IGFBP7: variants seen among roughly 807,000 people sequenced by gnomAD.
IGFBP7 encodes insulin like growth factor binding protein 7, also known as insulin-like growth factor-binding protein 7.
Under a neutral mutation model 29.4 loss-of-function variants are expected in IGFBP7, and 31 were observed. The observed-to-expected ratio is 1.05, with a 90% CI of 0.79 to 1.42. The LOEUF is 1.42. IGFBP7 is among the 40% of genes most tolerant of loss of function. The pLI, the probability that IGFBP7 is intolerant of heterozygous loss-of-function variation, is 0.00. For missense variants in IGFBP7, 393 were observed against 395.5 expected (o/e 0.99, Z 0.05); for synonymous variants, 172 against 174.9 (o/e 0.98, Z 0.13).
At chr4:57,103,660 C>CTTTCT (rs755764000) in intron 1 of IGFBP7, among the ~76,000 whole-genome samples, 2 of 86,480 alleles carry the variant, frequency 2.3e-5, no homozygotes, top group African/African-American at 4.5e-5. Flanking sequence ...TTTTTCTTTT[C>CTTTCT]TTTTTTTTTT....
At chr4:57,056,567 A>C (rs1724679155) in intron 1 of IGFBP7, among the ~76,000 whole-genome samples, 1 of 152,164 alleles carries the variant, frequency 6.6e-6, no homozygotes, top group African/African-American at 2.4e-5. Context: ...AAATCAGGGA[A>C]ATGGGGATGT....
Position 57,031,342 on chromosome 4 carries a change from TAAAA to T in IGFBP7, c.830-10_830-7del. The stretch of plus-strand genomic sequence containing the variant: ...TTATAGCTCGGCACCTTCACCTGTT[TAAAA>T]AAAAAAAAAGATAAAAATTAGTTAC... On this transcript the variant is annotated splice_polypyrimidine_tract_variant and splice_region_variant and intron_variant, in intron 4 of 4. Transcript: ENST00000295666. 1 of 1,277,798 alleles carries T rather than the reference TAAAA, an allele frequency of 7.8e-7. No homozygotes were observed. The highest frequency in any genetic ancestry group is 1.1e-6 in the Non-Finnish European group (1 of 923,778). The allele number at this position is 1,277,798 out of a possible 1,614,324, so 79.2% of individuals were successfully genotyped here.
intron 1 of IGFBP7, chr4:57,072,988 G>T: frequency 1.1e-6 from 1 of 884,434 alleles, no homozygotes; most frequent in Non-Finnish European, 1.9e-6. Flanking sequence ...GGACCATCCT[G>T]CTCTCCATCC....
At chr4:57,095,464 T>C (rs967073907) in intron 1 of IGFBP7, among the ~76,000 whole-genome samples, 3 of 152,198 alleles carry the variant, frequency 2.0e-5, no homozygotes, top group Non-Finnish European at 4.4e-5. Context: ...TAGACTAAGA[T>C]TAACCTTTAT....
intron 1 of IGFBP7, among the ~76,000 whole-genome samples, chr4:57,067,576 G>T (rs1724949338): frequency 6.6e-6 from 1 of 152,184 alleles, no homozygotes; most frequent in Non-Finnish European, 1.5e-5. Flanking sequence ...TGTTCAATGG[G>T]TATAAAATTC....
intron 1 of IGFBP7, among the ~76,000 whole-genome samples, chr4:57,080,129 G>A (rs1725329161): frequency 6.6e-6 from 1 of 152,186 alleles, no homozygotes; most frequent in Non-Finnish European, 1.5e-5. Context: ...GTCTCCCACA[G>A]GGCTTGGTGG....
chr4:57,087,402 C>A (rs1725523705), intron 1 of IGFBP7, among the ~76,000 whole-genome samples: 1 of 152,240 alleles, frequency 6.6e-6, no homozygotes, highest in Admixed American at 6.5e-5. Flanking sequence ...AGGAGAGGAA[C>A]AGACTATCTC....
intron 1 of IGFBP7, among the ~76,000 whole-genome samples, chr4:57,086,866 T>C (rs1725510783): frequency 6.6e-6 from 1 of 152,184 alleles, no homozygotes; most frequent in Non-Finnish European, 1.5e-5. Flanking sequence ...TCTGAGCAGC[T>C]GGGATTACAG....
intron 1 of IGFBP7, among the ~76,000 whole-genome samples, chr4:57,049,656 G>A (rs1188390994): frequency 1.3e-5 from 2 of 152,112 alleles, no homozygotes; most frequent in African/African-American, 4.8e-5. Flanking sequence ...GTTGGTTTCG[G>A]TAAGTTCCAC....
chr4:57,051,112 C>T (rs1409665885), intron 1 of IGFBP7, among the ~76,000 whole-genome samples: 2 of 152,152 alleles, frequency 1.3e-5, no homozygotes, highest in African/African-American at 4.8e-5. Context: ...TTAAAGGGAA[C>T]AGGAGCACAC....
At chr4:57,082,770 A>G (rs1725402992) in intron 1 of IGFBP7, among the ~76,000 whole-genome samples, 1 of 152,168 alleles carries the variant, frequency 6.6e-6, no homozygotes, top group African/African-American at 2.4e-5. Context: ...TTTTTTAATG[A>G]AAATTTCATA....
chr4:57,085,409 T>C (rs143273004), intron 1 of IGFBP7, among the ~76,000 whole-genome samples: 2 of 152,344 alleles, frequency 1.3e-5, no homozygotes, highest in African/African-American at 4.8e-5. Flanking sequence ...CCTCCTAGTC[T>C]TTTAAGGGAT....
At chr4:57,101,660 G>A (rs1251997565) in intron 1 of IGFBP7, among the ~76,000 whole-genome samples, 1 of 152,066 alleles carries the variant, frequency 6.6e-6, no homozygotes, top group Admixed American at 6.6e-5. Flanking sequence ...TCAATTTTAA[G>A]TAAAAAAAAT....
intron 1 of IGFBP7, among the ~76,000 whole-genome samples, chr4:57,054,639 C>CAAAAAAAAAAAA (rs75161514): frequency 8.6e-4 from 24 of 27,854 alleles, no homozygotes; most frequent in African/African-American, 1.4e-3. Flanking sequence ...CTCTCTCTCA[C>CAAAAAAAAAAAA]AAAAAAAAAA....
intron 2 of IGFBP7, among the ~76,000 whole-genome samples, chr4:57,033,869 G>A (rs1724011530): frequency 6.6e-6 from 1 of 152,058 alleles, no homozygotes; most frequent in Non-Finnish European, 1.5e-5. Context: ...TGACCAACAT[G>A]ACAAAACCCT....
intron 2 of IGFBP7, among the ~76,000 whole-genome samples, chr4:57,037,073 ATAAGTGG>A (rs1724099407): frequency 6.6e-6 from 1 of 152,208 alleles, no homozygotes; most frequent in Admixed American, 6.5e-5. Context: ...TGACACCTTC[ATAAGTGG>A]TAAGTGTGAT....
chr4:57,044,924 G>C (rs919027628), intron 1 of IGFBP7, among the ~76,000 whole-genome samples: 1 of 152,038 alleles, frequency 6.6e-6, no homozygotes, highest in Admixed American at 6.6e-5. Flanking sequence ...TGACTAGGCT[G>C]GTCTCAAACT....
chr4:57,043,485 C>G (rs903141504), intron 1 of IGFBP7, among the ~76,000 whole-genome samples: 1 of 152,174 alleles, frequency 6.6e-6, no homozygotes, highest in African/African-American at 2.4e-5. Flanking sequence ...TCCCCTTCTG[C>G]AACAGGCTAT....
At chr4:57,097,586 G>GA (rs1725791724) in intron 1 of IGFBP7, among the ~76,000 whole-genome samples, 1 of 152,090 alleles carries the variant, frequency 6.6e-6, no homozygotes, top group African/African-American at 2.4e-5. Context: ...AATAAACATG[G>GA]AAACGAAACA....
Sources: allele counts gnomAD v4.1 joint callset (sites outside exome capture counted in the v4.1 genomes callset), GRCh38; gene constraint gnomAD v4.1.1; transcripts MANE v1.5; gene names NCBI Gene and HGNC (gene_info 2026-07-23, HGNC 2026-07-21).